The following CLVS1 variants were observed in gnomAD, a reference collection of about 807,000 sequenced individuals.
CLVS1 encodes the protein clavesin-1.
CLVS1 carries 10 observed loss-of-function variants against 33.1 expected under a neutral mutation model. That is an observed-to-expected ratio of 0.30 (90% CI 0.19 to 0.51). CLVS1 has a LOEUF of 0.51. CLVS1 is among the 20% of genes least tolerant of loss of function. The pLI is 0.97. For missense variants in CLVS1, 343 were observed against 433.4 expected (o/e 0.79, Z 1.85); for synonymous variants, 163 against 166.1 (o/e 0.98, Z 0.14).
chr8:61,258,967 G>GTT (rs1809142772), intron 2 of CLVS1, among the ~76,000 whole-genome samples: 1 of 152,062 alleles, frequency 6.6e-6, no homozygotes, highest in African/African-American at 2.4e-5. Flanking sequence ...TATCCTAATA[G>GTT]ATACAAAACA....
the CLVS1 span, among the ~76,000 whole-genome samples, chr8:61,000,167 A>G: frequency 2.6e-5 from 4 of 152,248 alleles, no homozygotes; most frequent in African/African-American, 9.6e-5. Context: ...TCTGAATCCA[A>G]TGATTTGGTT....
intron 2 of CLVS1, among the ~76,000 whole-genome samples, chr8:61,234,287 G>T (rs1808506991): frequency 1.3e-5 from 2 of 152,162 alleles, no homozygotes; most frequent in Admixed American, 1.3e-4. Context: ...GAAACAGCCT[G>T]GTTCGACCAG....
chr8:61,274,440 A>C (rs1229693956), intron 2 of CLVS1, among the ~76,000 whole-genome samples: 1 of 152,196 alleles, frequency 6.6e-6, no homozygotes, highest in Non-Finnish European at 1.5e-5. Context: ...ACCCTGGTGA[A>C]TCACTTAACC....
intron 2 of CLVS1, among the ~76,000 whole-genome samples, chr8:61,142,454 G>A (rs896909160): frequency 6.6e-6 from 1 of 152,190 alleles, no homozygotes; most frequent in Non-Finnish European, 1.5e-5. Context: ...CAATTGGGAC[G>A]TTGGCCTTGC....
chr8:61,051,195 C>T, the CLVS1 span, among the ~76,000 whole-genome samples: 1 of 152,366 alleles, frequency 6.6e-6, no homozygotes, highest in South Asian at 2.1e-4. Context: ...ATGGAAGCTA[C>T]TTCCACAGCA....
At chr8:61,322,461 T>C (rs1298954045) in intron 2 of CLVS1, among the ~76,000 whole-genome samples, 1 of 152,172 alleles carries the variant, frequency 6.6e-6, no homozygotes, top group African/African-American at 2.4e-5. Context: ...ATGTCATCTC[T>C]CTCCTGCACA....
At chr8:61,255,109 T>C (rs1054010910) in intron 2 of CLVS1, among the ~76,000 whole-genome samples, 2 of 152,196 alleles carry the variant, frequency 1.3e-5, no homozygotes, top group Non-Finnish European at 2.9e-5. Flanking sequence ...TTCTGGGGAT[T>C]CAATGAGATG....
chr8:61,255,082 T>C (rs1671299739), intron 2 of CLVS1, among the ~76,000 whole-genome samples: 1 of 152,210 alleles, frequency 6.6e-6, no homozygotes, highest in African/African-American at 2.4e-5. Context: ...TATATTTTTT[T>C]AGGTAGGGTT....
chr8:61,253,082 T>C lies in CLVS1; in HGVS notation c.-151-46595T>C, dbSNP rs911001302. On this transcript the variant is annotated intron_variant, in intron 2 of 2. Transcript: ENST00000522621. ...ACTGGTTTTTCCTTTCCATGTTTAG[T>C]GCTTCCTTCAGGAGCTCTTTTAGGG... 2.0e-5 allele frequency among the ~76,000 whole-genome samples: 3 copies of C among 152,336 alleles called. No individual in the cohort carries two copies. In the South Asian group the frequency reaches 6.2e-4, roughly 32 times the overall value.
At chr8:61,242,779 C>A (rs1302153879) in intron 2 of CLVS1, among the ~76,000 whole-genome samples, 1 of 150,374 alleles carries the variant, frequency 6.7e-6, no homozygotes, top group African/African-American at 2.5e-5. Context: ...GGCAGCAGAG[C>A]AGGACCCTGC....
intron 2 of CLVS1, among the ~76,000 whole-genome samples, chr8:61,196,819 C>T (rs1807623333): frequency 6.6e-6 from 1 of 152,220 alleles, no homozygotes; most frequent in Admixed American, 6.5e-5. Context: ...GGCCATCTAA[C>T]TAGAGAACAT....
At chr8:61,481,409 C>G (rs1818190081) in intron 5 of CLVS1, among the ~76,000 whole-genome samples, 1 of 152,268 alleles carries the variant, frequency 6.6e-6, no homozygotes, top group South Asian at 2.1e-4. Flanking sequence ...CATCACCTCA[C>G]CCAGGAAGCG....
intron 2 of CLVS1, among the ~76,000 whole-genome samples, chr8:61,237,864 GT>G (rs1487516547): frequency 6.6e-6 from 1 of 150,774 alleles, no homozygotes; most frequent in Non-Finnish European, 1.5e-5. Flanking sequence ...AGGATGTGTG[GT>G]GGGCTTTCTG....
At chr8:61,207,470 ACAGACTCTTTT>A (rs1177797829) in intron 2 of CLVS1, among the ~76,000 whole-genome samples, 1 of 151,852 alleles carries the variant, frequency 6.6e-6, no homozygotes, top group Non-Finnish European at 1.5e-5. Flanking sequence ...ATCCTAATTC[ACAGACTCTTTT>A]CAGACTCTTT....
At chr8:61,495,134 G>T in intron 5 of CLVS1, among the ~76,000 whole-genome samples, 1 of 152,184 alleles carries the variant, frequency 6.6e-6, no homozygotes, top group East Asian at 1.9e-4. Flanking sequence ...GGAGGGGGAA[G>T]TGAAAGTTGG....
the CLVS1 span, among the ~76,000 whole-genome samples, chr8:61,029,785 C>T: frequency 0.011 from 1,674 of 152,172 alleles, 31 homozygotes; most frequent in African/African-American, 0.035. Context: ...GTCACAGAAA[C>T]ATTGGGGCGT....
intron 3 of CLVS1, among the ~76,000 whole-genome samples, chr8:61,400,080 G>T (rs1814689628): frequency 6.6e-6 from 1 of 152,200 alleles, no homozygotes. Context: ...GAATGTCAAT[G>T]GTAGTTTCAT....
intron 5 of CLVS1, among the ~76,000 whole-genome samples, chr8:61,482,774 A>G (rs985858582): frequency 6.6e-6 from 1 of 152,246 alleles, no homozygotes; most frequent in Non-Finnish European, 1.5e-5. Flanking sequence ...CCTAGAACTC[A>G]GGATTAAGAA....
intron 2 of CLVS1, among the ~76,000 whole-genome samples, chr8:61,313,937 G>T (rs558479560): frequency 1.3e-5 from 2 of 152,244 alleles, no homozygotes; most frequent in East Asian, 1.9e-4. Flanking sequence ...TCATGGGCTC[G>T]GCAGGGGCTG....
Sources: allele counts gnomAD v4.1 joint callset (sites outside exome capture counted in the v4.1 genomes callset), GRCh38; gene constraint gnomAD v4.1.1; transcripts MANE v1.5; gene names NCBI Gene and HGNC (gene_info 2026-07-23, HGNC 2026-07-21).